HMGA2: variants seen among roughly 807,000 people sequenced by gnomAD.
HMGA2 encodes high mobility group protein HMGI-C.
HMGA2 carries 8 observed loss-of-function variants against 19.1 expected under a neutral mutation model. That is an observed-to-expected ratio of 0.42 (90% confidence interval 0.25 to 0.76). The LOEUF is 0.76. Ranked by LOEUF, HMGA2 falls within the 30% of genes least tolerant of loss-of-function variation. The pLI, the probability that HMGA2 is intolerant of heterozygous loss-of-function variation, is 0.28. For missense variants in HMGA2, 109 were observed against 136.3 expected, an observed-to-expected ratio of 0.80 and a Z score of 1.00; for synonymous variants, 60 against 48.8, an observed-to-expected ratio of 1.23 and a Z score of -0.96.
intron 3 of HMGA2, among the ~76,000 whole-genome samples, chr12:65,866,160 GCAAA>G (rs957862597): frequency 3.9e-5 from 6 of 152,164 alleles, no homozygotes; most frequent in African/African-American, 1.4e-4. Flanking sequence ...CACTCACTCA[GCAAA>G]CATTTAGCCC....
chr12:65,860,750 TACC>T (rs1167477100), intron 3 of HMGA2, among the ~76,000 whole-genome samples: 2 of 152,236 alleles, frequency 1.3e-5, no homozygotes, highest in African/African-American at 2.4e-5. Flanking sequence ...TTAATTACTA[TACC>T]CTGAGGAATT....
At chr12:65,926,223 CAGT>C (rs1205859433) in intron 3 of HMGA2, among the ~76,000 whole-genome samples, 1 of 152,292 alleles carries the variant, frequency 6.6e-6, no homozygotes, top group East Asian at 1.9e-4. Flanking sequence ...GAGATAACAA[CAGT>C]GGAGTCTTGT....
At chr12:65,901,790 T>C (rs7978761) in intron 3 of HMGA2, among the ~76,000 whole-genome samples, 42,753 of 151,888 alleles carry the variant, frequency 0.28, 8,724 homozygotes, top group African/African-American at 0.57. Flanking sequence ...GACATGAATC[T>C]ATAAATCCCC....
intron 3 of HMGA2, among the ~76,000 whole-genome samples, chr12:65,850,151 T>A (rs1871401369): frequency 6.6e-6 from 1 of 152,228 alleles, no homozygotes; most frequent in South Asian, 2.1e-4. Flanking sequence ...ATGAGCTACA[T>A]AAAACCATTT....
intron 3 of HMGA2, among the ~76,000 whole-genome samples, chr12:65,949,870 A>T (rs953156585): frequency 6.6e-6 from 1 of 152,138 alleles, no homozygotes; most frequent in Non-Finnish European, 1.5e-5. Context: ...GAGATAGCAA[A>T]TTTTTTTTAA....
chr12:65,912,008 G>A (rs151233646), intron 3 of HMGA2, among the ~76,000 whole-genome samples: 197 of 152,154 alleles, frequency 1.3e-3, no homozygotes, highest in Admixed American at 6.5e-4. Flanking sequence ...TAGATAATAC[G>A]TTGTATGGAA....
At chr12:65,884,010 C>T (rs1333527888) in intron 3 of HMGA2, among the ~76,000 whole-genome samples, 3 of 152,068 alleles carry the variant, frequency 2.0e-5, no homozygotes, top group East Asian at 1.9e-4. Flanking sequence ...GGATTACAGG[C>T]GCGCACCACC....
intron 3 of HMGA2, chr12:65,856,115 A>C: frequency 6.6e-6 from 1 of 152,212 alleles, no homozygotes; most frequent in Non-Finnish European, 1.5e-5. Context: ...CTTCCATAGC[A>C]AACTCCTTTG....
intron 3 of HMGA2, among the ~76,000 whole-genome samples, chr12:65,883,037 C>T (rs1014898365): frequency 5.3e-5 from 8 of 152,186 alleles, no homozygotes; most frequent in African/African-American, 1.2e-4. Flanking sequence ...GCATCTTCCC[C>T]GTTTAGATTT....
intron 3 of HMGA2, among the ~76,000 whole-genome samples, chr12:65,949,985 T>C (rs1430971423): frequency 6.6e-6 from 1 of 152,216 alleles, no homozygotes; most frequent in African/African-American, 2.4e-5. Flanking sequence ...GAAGTTCAAA[T>C]TGAAACAGCA....
intron 3 of HMGA2, among the ~76,000 whole-genome samples, chr12:65,935,378 A>G (rs1347296009): frequency 6.6e-6 from 1 of 152,256 alleles, no homozygotes; most frequent in Non-Finnish European, 1.5e-5. Context: ...TCATCTAAGC[A>G]CAAAGCAGCT....
chr12:65,958,783 C>T (rs1208434427), intron 4 of HMGA2: 1 of 151,806 alleles, frequency 6.6e-6, no homozygotes, highest in Non-Finnish European at 1.5e-5. Flanking sequence ...GGCAAGATAG[C>T]TTAAATTACG....
chr12:65,955,851 G>A (rs1876590651), intron 4 of HMGA2: 1 of 152,196 alleles, frequency 6.6e-6, no homozygotes, highest in Non-Finnish European at 1.5e-5. Context: ...AAAATAAAAT[G>A]TTGAATGTTT....
chr12:65,894,872 G>C (rs1376968726), intron 3 of HMGA2, among the ~76,000 whole-genome samples: 1 of 152,146 alleles, frequency 6.6e-6, no homozygotes, highest in Non-Finnish European at 1.5e-5. Flanking sequence ...GGAAGTCTGG[G>C]AGAAGTGTTT....
intron 3 of HMGA2, among the ~76,000 whole-genome samples, chr12:65,844,740 G>A (rs1265607042): frequency 6.6e-6 from 1 of 152,184 alleles, no homozygotes; most frequent in South Asian, 2.1e-4. Context: ...TAACCATTTA[G>A]GATTATAAAA....
At chr12:65,911,325 G>T (rs1874835774) in intron 3 of HMGA2, among the ~76,000 whole-genome samples, 1 of 152,186 alleles carries the variant, frequency 6.6e-6, no homozygotes, top group Non-Finnish European at 1.5e-5. Flanking sequence ...TCTACCACTT[G>T]ACTTTAAAGT....
intron 4 of HMGA2, chr12:65,957,665 G>A (rs1398408687): frequency 6.6e-6 from 1 of 152,092 alleles, no homozygotes; most frequent in Non-Finnish European, 1.5e-5. Flanking sequence ...TACCTAAAAT[G>A]ATTTCCCTAT....
At chr12:65,842,129 T>A (rs1273592516) in intron 3 of HMGA2, 1 of 1,288,806 alleles carries the variant, frequency 7.8e-7, no homozygotes, top group Non-Finnish European at 1.0e-6. Context: ...CCTGGCTTTT[T>A]ATAGTTAAGA....
At chr12:65,886,493 G>A (rs574342234) in intron 3 of HMGA2, among the ~76,000 whole-genome samples, 5 of 151,856 alleles carry the variant, frequency 3.3e-5, no homozygotes, top group Non-Finnish European at 5.9e-5. Context: ...CTGAGTAGCT[G>A]GGACTACAGG....
Sources: allele counts gnomAD v4.1 joint callset (sites outside exome capture counted in the v4.1 genomes callset), GRCh38; gene constraint gnomAD v4.1.1; transcripts MANE v1.5; gene names NCBI Gene and HGNC (gene_info 2026-07-23, HGNC 2026-07-21).